Variants in MED13 observed in about 807,000 individuals in gnomAD.
The protein encoded by MED13 is mediator complex subunit 13.
A neutral mutation model predicts 225.2 loss-of-function variants in MED13; 23 were observed. The ratio of observed to expected loss-of-function variants is 0.10; its 90% CI spans 0.07 to 0.14. The LOEUF (loss-of-function observed/expected upper bound fraction) is 0.14. Ranked by LOEUF, MED13 falls within the 10% of genes least tolerant of loss-of-function variation. The pLI is 1.00. For synonymous variants in MED13, 942 were observed against 889.2 expected (o/e 1.06, Z -1.06); for missense variants, 2,197 against 2,594.5 (o/e 0.85, Z 3.33).
intron 3 of MED13, among the ~76,000 whole-genome samples, chr17:62,045,595 A>G (rs1178889746): frequency 2.0e-5 from 3 of 152,184 alleles, no homozygotes; most frequent in Non-Finnish European, 2.9e-5. Flanking sequence ...CAAGTTCAGA[A>G]TATCTTTTAT....
chr17:61,957,916 G>A (rs2079962284), intron 23 of MED13, among the ~76,000 whole-genome samples: 1 of 152,130 alleles, frequency 6.6e-6, no homozygotes, highest in African/African-American at 2.4e-5. Context: ...TCAGGCTGGA[G>A]TGCAGTGGTG....
chr17:61,967,949 A>G (rs1389321084), intron 18 of MED13, 86 bp downstream of exon 18: 2 of 992,480 alleles, frequency 2.0e-6, no homozygotes, highest in African/African-American at 3.2e-5. Flanking sequence ...CTGTGTCCCA[A>G]TCAACTGAAC....
intron 8 of MED13, among the ~76,000 whole-genome samples, chr17:62,023,082 T>C (rs2080665110): frequency 6.6e-6 from 1 of 152,174 alleles, no homozygotes; most frequent in South Asian, 2.1e-4. Flanking sequence ...AATTGGCAAC[T>C]AGCCACTTCT....
intron 16 of MED13, among the ~76,000 whole-genome samples, chr17:61,978,622 G>C (rs993393219): frequency 3.3e-5 from 5 of 152,136 alleles, no homozygotes; most frequent in Non-Finnish European, 7.4e-5. Context: ...GGCACAGAAA[G>C]GTTAACTAAC....
chr17:61,999,320 T>G (rs564950764), intron 9 of MED13, among the ~76,000 whole-genome samples: 1 of 152,312 alleles, frequency 6.6e-6, no homozygotes, highest in Admixed American at 6.5e-5. Context: ...TGCTCAGGGT[T>G]TAGACAGGTT....
intron 18 of MED13, 141 bp downstream of exon 18, chr17:61,967,894 G>C: frequency 1.5e-6 from 1 of 663,468 alleles, no homozygotes; most frequent in East Asian, 2.8e-5. Flanking sequence ...AGCAAAGAAT[G>C]TAACTGGCTA....
At chr17:62,004,302 G>A (rs1450021107) in intron 9 of MED13, 2 of 152,134 alleles carry the variant, frequency 1.3e-5, no homozygotes, top group Non-Finnish European at 2.9e-5. Flanking sequence ...TTCTAATAGG[G>A]AAAAGACCAT....
intron 28 of MED13, among the ~76,000 whole-genome samples, chr17:61,950,265 T>C (rs2079885391): frequency 6.6e-6 from 1 of 151,840 alleles, no homozygotes. Context: ...AATCCAAAAA[T>C]GGAAACAATT....
intron 16 of MED13, among the ~76,000 whole-genome samples, chr17:61,976,896 C>G (rs10221202): frequency 0.17 from 25,885 of 152,150 alleles, 2,814 homozygotes; most frequent in South Asian, 0.32. Flanking sequence ...CGCGCCACTG[C>G]ACTCCAGCCT....
chr17:61,999,121 A>C (rs1449446869), intron 9 of MED13, among the ~76,000 whole-genome samples: 2 of 152,076 alleles, frequency 1.3e-5, no homozygotes, highest in East Asian at 1.9e-4. Flanking sequence ...CTGTGAATCA[A>C]AGGCATTCAG....
At chr17:62,029,215 A>T (rs1265307463) in intron 8 of MED13, 1 of 216,880 alleles carries the variant, frequency 4.6e-6, no homozygotes, top group Non-Finnish European at 8.9e-6. Context: ...TTGAGGAAGG[A>T]ATGCTTTTCT....
At chr17:61,958,326 C>A (rs2079967505) in intron 23 of MED13, among the ~76,000 whole-genome samples, 2 of 152,090 alleles carry the variant, frequency 1.3e-5, no homozygotes, top group African/African-American at 4.8e-5. Context: ...TGCGACCACA[C>A]CCCACTAATT....
At position 61,961,061 on chromosome 17, in the gene MED13, A is replaced by G. The variant is rs759815847; in HGVS notation, c.5286T>C (p.Pro1762=). 6 of 1,613,786 alleles carry G rather than the reference A, an allele frequency of 3.7e-6. No homozygotes were observed. The highest frequency in any genetic ancestry group is 1.3e-5 in the African/African-American group (1 of 74,914). The change falls in exon 23 of 30, where the codon CCT becomes CCC. Residue 1762 remains proline, a synonymous_variant. Transcript: ENST00000397786. ...CCTTCACTGGAGCCAGAATAAAAGG[A>G]GGTGCATAAAGTCGAATACACTCTG... ...DRPECIRLYA[P]PFILAPVKDK...
intron 9 of MED13, among the ~76,000 whole-genome samples, chr17:62,001,037 C>T (rs953710149): frequency 3.3e-5 from 5 of 152,194 alleles, no homozygotes; most frequent in Admixed American, 3.3e-4. Context: ...GCTGGGATTA[C>T]AGGCGTGAGT....
chr17:61,997,830 C>T (rs2080359082), intron 9 of MED13, among the ~76,000 whole-genome samples: 1 of 152,018 alleles, frequency 6.6e-6, no homozygotes, highest in Non-Finnish European at 1.5e-5. Context: ...GTATAAAAAC[C>T]TTCACACTGT....
At chr17:61,962,540 AT>A in intron 21 of MED13, among the ~76,000 whole-genome samples, 1 of 152,204 alleles carries the variant, frequency 6.6e-6, no homozygotes, top group East Asian at 1.9e-4. Flanking sequence ...ACTTAATGGA[AT>A]TTTTTTATTC....
intron 8 of MED13, among the ~76,000 whole-genome samples, chr17:62,028,398 G>A (rs1481989823): frequency 6.6e-6 from 1 of 152,136 alleles, no homozygotes. Flanking sequence ...ACTTGAGGGT[G>A]GAGGCTGGCA....
chr17:62,045,767 A>AT (rs1205637706), intron 3 of MED13, among the ~76,000 whole-genome samples: 2 of 152,164 alleles, frequency 1.3e-5, no homozygotes, highest in African/African-American at 4.8e-5. Flanking sequence ...CTTTAAACCA[A>AT]TTATCTGAAG....
chr17:62,026,653 G>GT (rs1368923246), intron 8 of MED13, among the ~76,000 whole-genome samples: 1 of 152,096 alleles, frequency 6.6e-6, no homozygotes, highest in Admixed American at 6.6e-5. Flanking sequence ...AAGTAACCCT[G>GT]TTGGCAGACA....
Sources: gnomAD v4.1 joint callset for allele counts (sites outside exome capture counted in the v4.1 genomes callset) on GRCh38, gnomAD v4.1.1 for gene constraint, MANE v1.5 for transcripts, NCBI Gene and HGNC (gene_info 2026-07-23, HGNC 2026-07-21) for gene names.